The following NAV2 variants were observed in gnomAD, a reference collection of about 807,000 sequenced individuals.
The protein encoded by NAV2 is helicase, APC down-regulated 1.
A neutral mutation model predicts 223.2 loss-of-function variants in NAV2; 54 were observed. The ratio of observed to expected loss-of-function variants is 0.24; its 90% CI spans 0.19 to 0.30. The LOEUF is 0.30. Ranked by LOEUF, NAV2 falls within the 10% of genes least tolerant of loss-of-function variation. NAV2 has a pLI of 1.00. For missense variants in NAV2, 2,806 were observed against 3,147.5 expected, an observed-to-expected ratio of 0.89 and a Z score of 2.60; for synonymous variants, 1,279 against 1,239.3, an observed-to-expected ratio of 1.03 and a Z score of -0.67.
At chr11:19,547,024 A>T (rs556073556) in intron 1 of NAV2, among the ~76,000 whole-genome samples, 1 of 152,312 alleles carries the variant, frequency 6.6e-6, no homozygotes, top group Admixed American at 6.5e-5. Flanking sequence ...GCAGGCATAG[A>T]ATCAGAGTGG....
At chr11:19,963,053 C>G (rs1007033536) in intron 10 of NAV2, among the ~76,000 whole-genome samples, 1 of 152,180 alleles carries the variant, frequency 6.6e-6, no homozygotes, top group Non-Finnish European at 1.5e-5. Flanking sequence ...GTGGTGTTGG[C>G]TCTATAGAGA....
intron 1 of NAV2, among the ~76,000 whole-genome samples, chr11:19,730,464 G>T (rs1001737700): frequency 1.3e-5 from 2 of 152,222 alleles, no homozygotes; most frequent in Non-Finnish European, 1.5e-5. Flanking sequence ...GGATGACAAT[G>T]GGCCTGTTGG....
chr11:19,901,285 G>A (rs541837023), intron 6 of NAV2, among the ~76,000 whole-genome samples: 24 of 152,302 alleles, frequency 1.6e-4, no homozygotes, highest in African/African-American at 4.8e-4. Context: ...GATGACTCAC[G>A]CCTGTAATCC....
chr11:19,697,548 T>C (rs533073743), intron 1 of NAV2, among the ~76,000 whole-genome samples: 1 of 151,844 alleles, frequency 6.6e-6, no homozygotes, highest in Admixed American at 6.6e-5. Context: ...GAGGAAAGAT[T>C]AAAGGGCATG....
intron 22 of NAV2, among the ~76,000 whole-genome samples, chr11:20,071,821 A>T (rs1292883284): frequency 6.6e-6 from 1 of 152,102 alleles, no homozygotes; most frequent in Non-Finnish European, 1.5e-5. Flanking sequence ...TTCTTTATAA[A>T]TTTGTTTAAG....
intron 1 of NAV2, chr11:19,778,458 G>T (rs1441821348): frequency 4.7e-6 from 2 of 429,816 alleles, no homozygotes; most frequent in Admixed American, 5.3e-5. Context: ...AAACTGGAAT[G>T]CATACTTACT....
chr11:19,818,347 A>G (rs1326573013), intron 1 of NAV2, among the ~76,000 whole-genome samples: 2 of 144,814 alleles, frequency 1.4e-5, no homozygotes, highest in Non-Finnish European at 3.0e-5. Context: ...CTTGCCAATT[A>G]CCATGGTGTA....
At chr11:19,460,444 C>T (rs1590244402) in intron 1 of NAV2, among the ~76,000 whole-genome samples, 1 of 152,320 alleles carries the variant, frequency 6.6e-6, no homozygotes, top group East Asian at 1.9e-4. Flanking sequence ...CCACCTGGCA[C>T]ATGGTGGGTG....
chr11:19,839,147 A>G (rs1424050679), intron 2 of NAV2, among the ~76,000 whole-genome samples: 1 of 152,184 alleles, frequency 6.6e-6, no homozygotes, highest in Non-Finnish European at 1.5e-5. Context: ...TTCTTGAGTC[A>G]TGAGCTTCCC....
chr11:19,831,359 G>A (rs1007709434), intron 1 of NAV2, among the ~76,000 whole-genome samples: 6 of 151,728 alleles, frequency 4.0e-5, no homozygotes, highest in Non-Finnish European at 7.4e-5. Flanking sequence ...ATGGATCCTC[G>A]GAGCAGGCCT....
intron 1 of NAV2, among the ~76,000 whole-genome samples, chr11:19,620,698 A>G (rs933002334): frequency 1.3e-5 from 2 of 152,232 alleles, no homozygotes; most frequent in South Asian, 2.1e-4. Context: ...CAATCATGTC[A>G]TCTCCAAACA....
intron 1 of NAV2, among the ~76,000 whole-genome samples, chr11:19,604,233 T>C (rs991831463): frequency 2.0e-5 from 3 of 151,972 alleles, no homozygotes; most frequent in African/African-American, 7.3e-5. Context: ...GAAGAGATTG[T>C]GGGCTGGAGG....
intron 1 of NAV2, among the ~76,000 whole-genome samples, chr11:19,756,708 C>T (rs879787434): frequency 2.6e-5 from 4 of 152,154 alleles, no homozygotes; most frequent in South Asian, 2.1e-4. Flanking sequence ...ATCAGTATGC[C>T]GCGTGAAACT....
chr11:19,994,749 C>T (rs996455645), intron 11 of NAV2, among the ~76,000 whole-genome samples: 8 of 152,024 alleles, frequency 5.3e-5, no homozygotes, highest in Non-Finnish European at 1.0e-4. Context: ...TGTAGTGAAC[C>T]GATGTTTCTA....
In NAV2 at chr11:20,106,183, GTATATATATATATATATATATATATA is replaced by G. The variant is rs1182631250; in HGVS notation, c.6841+478_6841+503del. On this transcript the variant is annotated intron_variant, in intron 35 of 37. Transcript: ENST00000349880. The stretch of plus-strand genomic sequence containing the variant: ...TATATATATATATATATATGTGTGT[GTATATATATATATATATATATATATA>G]TATATATATATATATATATATGCTT... 1.8e-3 allele frequency among the ~76,000 whole-genome samples: 47 copies of G among 25,538 alleles called. 5 individuals are homozygous for G. The highest frequency in any genetic ancestry group is 4.5e-3 in the African/African-American group (44 of 9,704). The allele number at this position is 25,538 out of a possible 152,430, so 16.8% of individuals were successfully genotyped here. A position where few individuals can be genotyped will look rare whatever the true frequency, so the allele number is the denominator to read the frequency against.
chr11:19,391,872 C>T (rs1281975483), intron 1 of NAV2, among the ~76,000 whole-genome samples: 1 of 152,170 alleles, frequency 6.6e-6, no homozygotes, highest in African/African-American at 2.4e-5. Context: ...CCTGCTGTGT[C>T]TCCACCCATC....
intron 6 of NAV2, among the ~76,000 whole-genome samples, chr11:19,895,234 T>C (rs1565512570): frequency 6.8e-6 from 1 of 146,184 alleles, no homozygotes; most frequent in Non-Finnish European, 1.5e-5. Flanking sequence ...GCCCAGCTAA[T>C]ATTTGTATTT....
At chr11:20,075,307 T>C (rs958207853) in intron 22 of NAV2, among the ~76,000 whole-genome samples, 3 of 151,764 alleles carry the variant, frequency 2.0e-5, no homozygotes, top group Non-Finnish European at 2.9e-5. Flanking sequence ...CACTGCAAGC[T>C]CCGCCTCCCG....
At chr11:19,579,585 C>G (rs141160433) in intron 1 of NAV2, among the ~76,000 whole-genome samples, 1 of 152,188 alleles carries the variant, frequency 6.6e-6, no homozygotes, top group African/African-American at 2.4e-5. Context: ...CCTTTCCAAG[C>G]CTTGCTTTCC....
Sources: gnomAD v4.1 joint callset for allele counts (sites outside exome capture counted in the v4.1 genomes callset) on GRCh38, gnomAD v4.1.1 for gene constraint, MANE v1.5 for transcripts, NCBI Gene and HGNC (gene_info 2026-07-23, HGNC 2026-07-21) for gene names.